AGO2: variants seen among roughly 807,000 people sequenced by gnomAD.
AGO2 encodes argonaute RISC catalytic component 2, also known as protein argonaute-2.
AGO2 carries 5 observed loss-of-function variants against 102.3 expected under a neutral mutation model. The observed-to-expected ratio is 0.05, with a 90% confidence interval of 0.03 to 0.10. The LOEUF is 0.10. Among genes scored for constraint, AGO2 ranks in the 10% least tolerant of loss-of-function variants. The pLI, the probability that AGO2 is intolerant of heterozygous loss-of-function variation, is 1.00. For missense variants in AGO2, 541 were observed against 1,183.7 expected, an observed-to-expected ratio of 0.46 and a Z score of 7.97; for synonymous variants, 449 against 473.1, an observed-to-expected ratio of 0.95 and a Z score of 0.66.
intron 10 of AGO2, among the ~76,000 whole-genome samples, chr8:140,552,413 T>C (rs941468411): frequency 6.6e-6 from 1 of 152,128 alleles, no homozygotes; most frequent in Non-Finnish European, 1.5e-5. Flanking sequence ...GGGTCCCGTG[T>C]GGGAGGGACA....
chr8:140,535,453 G>T lies in AGO2; in HGVS notation c.2271+15C>A, dbSNP rs1223183906. Reference sequence around the variant, plus strand: ...GACGGCCAAGACTCTGTCCGAAGGGGACTCCCGGCCTTACCTGGATGCCAG... The same window carrying T: ...GACGGCCAAGACTCTGTCCGAAGGGTACTCCCGGCCTTACCTGGATGCCAG... On this transcript the variant is annotated intron_variant, in intron 17 of 18. Transcript: ENST00000220592. 2 of 1,613,258 alleles carry T rather than the reference G, an allele frequency of 1.2e-6. No individual in the cohort carries two copies. The highest frequency in any genetic ancestry group is 1.7e-6 in the Non-Finnish European group (2 of 1,179,250).
chr8:140,606,488 A>G (rs549437891), intron 1 of AGO2, among the ~76,000 whole-genome samples: 19 of 152,034 alleles, frequency 1.2e-4, no homozygotes, highest in Non-Finnish European at 2.2e-4. Context: ...GTTTCCAAGA[A>G]CCTCTCCACA....
chr8:140,538,023 T>C (rs1271602823), intron 16 of AGO2, among the ~76,000 whole-genome samples: 1 of 152,136 alleles, frequency 6.6e-6, no homozygotes, highest in African/African-American at 2.4e-5. Context: ...TTTCGCCATG[T>C]TGGCCAGGCT....
At position 140,539,138 on chromosome 8, in the gene AGO2, A is replaced by G. The variant is rs1287291148; in HGVS notation, c.2169+182T>C. On this transcript the variant is annotated intron_variant, in intron 16 of 18. Coordinates refer to ENST00000220592, the MANE Select transcript of AGO2 (RefSeq NM_012154.5). This position sits in a 1 kb window ranked among gnomAD's most constrained non-coding sequence, Gnocchi z 4.7. The stretch of plus-strand genomic sequence containing the variant: ...AAAACAACAACAAAAAAGCTTCACC[A>G]AATCAAGGACAGCCTTCTCTAGTGT... 6.6e-6 allele frequency among the ~76,000 whole-genome samples: 1 copy of G among 152,134 alleles called. No individual in the cohort carries two copies. The highest frequency in any genetic ancestry group is 1.9e-4 in the East Asian group (1 of 5,186).
At chr8:140,532,306 G>T (rs1395601048) in intron 18 of AGO2, 110 bp downstream of exon 18, 5 of 1,420,408 alleles carry the variant, frequency 3.5e-6, no homozygotes, top group Admixed American at 2.0e-5. Flanking sequence ...CTTCTGGGGT[G>T]CCGGCTCCAG....
At chr8:140,547,727 A>G in intron 12 of AGO2, 100 bp from the exon 13 acceptor site, 1 of 1,487,624 alleles carries the variant, frequency 6.7e-7, no homozygotes, top group Non-Finnish European at 9.0e-7. Context: ...CCATCTGGCA[A>G]GTGCAGCCAT....
At chr8:140,605,446 G>A (rs2073985011) in intron 1 of AGO2, among the ~76,000 whole-genome samples, 2 of 152,164 alleles carry the variant, frequency 1.3e-5, no homozygotes, top group Non-Finnish European at 2.9e-5. Flanking sequence ...ATGAAGGAAT[G>A]ACCAAAGTGA....
Position 140,525,571 on chromosome 8 carries a change from C to A in AGO2, c.*6473G>T, listed in dbSNP as rs1229035985. 6.6e-6 allele frequency: 1 copy of A among 152,250 alleles called. No individual in the cohort carries two copies. Among genetic ancestry groups the A allele is most frequent in the Non-Finnish European group, 1.5e-5 (1 of 68,074 alleles). The allele number at this position is 152,250 out of a possible 1,614,324, so 9.4% of individuals were successfully genotyped here. ...AACGCAGCATAAAAAGCATCGAAACCCCAAACAGCAGAGTGTTAAAGGCAA... is the reference window on the plus strand; with the variant it reads ...AACGCAGCATAAAAAGCATCGAAACACCAAACAGCAGAGTGTTAAAGGCAA... On this transcript the variant is annotated 3_prime_UTR_variant, in exon 19 of 19. Coordinates refer to ENST00000220592, the MANE Select transcript of AGO2 (RefSeq NM_012154.5).
chr8:140,640,027 A>G (rs1295142375), upstream of AGO2, among the ~76,000 whole-genome samples: 1 of 151,884 alleles, frequency 6.6e-6, no homozygotes, highest in African/African-American at 2.4e-5. Context: ...TTTTAATTTT[A>G]AGACAGTGCC....
intron 3 of AGO2, among the ~76,000 whole-genome samples, chr8:140,564,429 G>A (rs1437571331): frequency 2.0e-5 from 3 of 152,204 alleles, no homozygotes; most frequent in Non-Finnish European, 4.4e-5. Flanking sequence ...GCTGGCCCTT[G>A]CACAACATGG....
At chr8:140,554,858 A>C (rs534467023) in intron 10 of AGO2, among the ~76,000 whole-genome samples, 29 of 152,044 alleles carry the variant, frequency 1.9e-4, no homozygotes, top group African/African-American at 7.0e-4. Context: ...CTCCAGGCTA[A>C]TTTTTGTATT....
In AGO2 at chr8:140,523,198, C is replaced by CTAT. The variant is rs765836686; in HGVS notation, c.*8845_*8846insATA. ...GTACAGGTAGAAACAAGCCCACAGA[C>CTAT]AATACATAGAGTACCACCTGAAACG... On this transcript the variant is annotated 3_prime_UTR_variant, in exon 19 of 19. Transcript: ENST00000220592. The CTAT allele has an allele frequency of 7.9e-5, 12 of 152,154 alleles. No homozygotes were observed. Among genetic ancestry groups the CTAT allele is most frequent in the Non-Finnish European group, 1.6e-4 (11 of 68,040 alleles). 9.4% of individuals were successfully genotyped at this position (152,154 alleles called of 1,614,324 possible). A position where few individuals can be genotyped will look rare whatever the true frequency, so the allele number is the denominator to read the frequency against.
At chr8:140,613,859 A>C (rs75597294) in intron 1 of AGO2, among the ~76,000 whole-genome samples, 1 of 151,444 alleles carries the variant, frequency 6.6e-6, no homozygotes, top group Non-Finnish European at 1.5e-5. Context: ...CCACAACAAA[A>C]ATTTTTAAAG....
Position 140,551,330 on chromosome 8 carries a change from TG to T in AGO2, c.1375del (p.Gln459SerfsTer9). On this transcript the variant is annotated frameshift_variant, in exon 11 of 19. Coordinates refer to ENST00000220592, the MANE Select transcript of AGO2 (RefSeq NM_012154.5). LOFTEE classifies it high-confidence loss of function. Reference sequence around the variant, plus strand: ...CAGATGGACTTCCGTGCACTGGCGCTGGGGGGCGAAGCACGCAATGGCCCAC... The same window carrying T: ...CAGATGGACTTCCGTGCACTGGCGCTGGGGGCGAAGCACGCAATGGCCCAC... ...KVWAIACFAP[Q>X]RQCTEVHLKS... 8 of 1,577,378 alleles carry T rather than the reference TG, an allele frequency of 5.1e-6. No individual in the cohort carries two copies. The highest frequency in any genetic ancestry group is 2.3e-5 in the East Asian group (1 of 43,378).
At chr8:140,563,099 C>A (rs998594919) in intron 3 of AGO2, among the ~76,000 whole-genome samples, 1 of 152,248 alleles carries the variant, frequency 6.6e-6, no homozygotes, top group Non-Finnish European at 1.5e-5. Context: ...CACACGAGCC[C>A]ACTCAGGTGA....
intron 1 of AGO2, chr8:140,592,482 G>T (rs1430125844): frequency 6.6e-6 from 1 of 152,196 alleles, no homozygotes; most frequent in East Asian, 1.9e-4. Context: ...ACTGTTGACT[G>T]AATGAATACA....
chr8:140,579,667 C>CTT (rs398068342), intron 2 of AGO2, among the ~76,000 whole-genome samples: 2 of 146,378 alleles, frequency 1.4e-5, no homozygotes, highest in African/African-American at 5.0e-5. Flanking sequence ...TTTTGTTGTT[C>CTT]TTTTTTTTTT....
At chr8:140,563,287 G>A (rs576825429) in intron 3 of AGO2, among the ~76,000 whole-genome samples, 2 of 152,328 alleles carry the variant, frequency 1.3e-5, no homozygotes, top group African/African-American at 4.8e-5. Context: ...CTGGAGTGCA[G>A]TGGTGCAGTA....
chr8:140,597,444 G>C (rs60637156), intron 1 of AGO2, among the ~76,000 whole-genome samples: 1 of 144,472 alleles, frequency 6.9e-6, no homozygotes, highest in Non-Finnish European at 1.5e-5. Context: ...CAGCAGCCAC[G>C]GACACCGATG....
Sources: allele counts gnomAD v4.1 joint callset (sites outside exome capture counted in the v4.1 genomes callset), GRCh38; gene constraint gnomAD v4.1.1; non-coding constraint Gnocchi (gnomAD v3.1); transcripts MANE v1.5; gene names NCBI Gene and HGNC (gene_info 2026-07-23, HGNC 2026-07-21).